IBTK: variants seen among roughly 807,000 people sequenced by gnomAD.
IBTK encodes BTK-binding protein.
A neutral mutation model predicts 154.9 loss-of-function variants in IBTK; 83 were observed. That is an observed-to-expected ratio of 0.54 (90% CI 0.45 to 0.64). The LOEUF is 0.64. IBTK is among the 30% of genes least tolerant of loss of function. The probability of loss-of-function intolerance (pLI) is 0.00; values close to 1 mark genes in which losing one functional copy is unlikely to be tolerated. For synonymous variants in IBTK, 515 were observed against 536.1 expected (o/e 0.96, Z 0.54); for missense variants, 1,332 against 1,584.6 (o/e 0.84, Z 2.71).
chr6:82,212,996 A>G (rs1331412973), intron 12 of IBTK, among the ~76,000 whole-genome samples: 1 of 151,962 alleles, frequency 6.6e-6, no homozygotes, highest in Non-Finnish European at 1.5e-5. Context: ...AACATTACTG[A>G]CAAAAGACAA....
At chr6:82,239,375 G>A (rs909954601) in intron 2 of IBTK, among the ~76,000 whole-genome samples, 38 of 152,128 alleles carry the variant, frequency 2.5e-4, no homozygotes, top group African/African-American at 8.2e-4. Flanking sequence ...CCCGGGAGGC[G>A]GAGCTTGCCA....
intron 6 of IBTK, among the ~76,000 whole-genome samples, chr6:82,225,141 A>T (rs1227273062): frequency 1.6e-5 from 2 of 127,710 alleles, no homozygotes; most frequent in African/African-American, 2.9e-5. Flanking sequence ...CTACTAAAAA[A>T]TACTCAAAAA....
chr6:82,211,938 A>G lies in IBTK; in HGVS notation c.2292-366T>C, dbSNP rs112744304. On this transcript the variant is annotated intron_variant, in intron 13 of 28. Transcript: ENST00000306270. Reference sequence around the variant, plus strand: ...CCAAGCACAGTTGAAACAACTCCACAGTTTATCCTTCTCCAAAACCTTTTC... The same window carrying G: ...CCAAGCACAGTTGAAACAACTCCACGGTTTATCCTTCTCCAAAACCTTTTC... Among the ~76,000 whole-genome samples the G allele has an allele frequency of 2.4e-3, 365 of 152,338 alleles. 2 individuals are homozygous for G. The highest frequency in any genetic ancestry group is 8.1e-3 in the African/African-American group (336 of 41,588).
intron 25 of IBTK, among the ~76,000 whole-genome samples, chr6:82,183,482 A>G (rs1403756433): frequency 6.6e-6 from 1 of 152,204 alleles, no homozygotes; most frequent in Non-Finnish European, 1.5e-5. Flanking sequence ...AATAAATTTG[A>G]CAATTTACAT....
At chr6:82,221,192 T>C (rs1025324419) in intron 8 of IBTK, among the ~76,000 whole-genome samples, 2 of 152,068 alleles carry the variant, frequency 1.3e-5, no homozygotes, top group African/African-American at 2.4e-5. Flanking sequence ...GGCATGGTGA[T>C]GCGCCCCTGT....
chr6:82,205,585 T>A (rs544488787), intron 16 of IBTK: 12 of 152,252 alleles, frequency 7.9e-5, no homozygotes, highest in African/African-American at 2.9e-4. Flanking sequence ...CTGGCCAACA[T>A]GGTGAACATA....
intron 7 of IBTK, 63 bp from the exon 8 acceptor site, chr6:82,223,683 G>A (rs1770182892): frequency 7.2e-7 from 1 of 1,392,102 alleles, no homozygotes; most frequent in Non-Finnish European, 1.0e-6. Context: ...ATTTAGCCAA[G>A]CACAGTGTCT....
chr6:82,244,034 T>C (rs1771053180), intron 1 of IBTK, among the ~76,000 whole-genome samples: 1 of 152,150 alleles, frequency 6.6e-6, no homozygotes, highest in African/African-American at 2.4e-5. Flanking sequence ...GATTCAAATA[T>C]AGCAATGTCA....
At chr6:82,242,255 G>C (rs1770979985) in intron 1 of IBTK, among the ~76,000 whole-genome samples, 1 of 151,998 alleles carries the variant, frequency 6.6e-6, no homozygotes, top group African/African-American at 2.4e-5. Flanking sequence ...TGTAATCTCA[G>C]CTACTCGAGA....
chr6:82,171,852 A>G (rs1428626232), intron 28 of IBTK, among the ~76,000 whole-genome samples: 2 of 152,210 alleles, frequency 1.3e-5, no homozygotes, highest in Admixed American at 6.5e-5. Context: ...CAATAGCTTT[A>G]TTCTGTGAGA....
Position 82,213,588 on chromosome 6 carries a change from C to A in IBTK, c.2204+639G>T, listed in dbSNP as rs146285333. 9.6e-3 allele frequency among the ~76,000 whole-genome samples: 1,461 copies of A among 152,138 alleles called. 10 individuals are homozygous for A. The highest frequency in any genetic ancestry group is 0.015 in the Non-Finnish European group (1,033 of 67,998). On this transcript the variant is annotated intron_variant, in intron 12 of 28. Transcript: ENST00000306270. ...GAAGGATCGCTTGAGCCCAGGAGTTCGAGAAACTGAGGTAAAAGAAAATTG... is the reference window on the plus strand; with the variant it reads ...GAAGGATCGCTTGAGCCCAGGAGTTAGAGAAACTGAGGTAAAAGAAAATTG...
chr6:82,216,519 G>A (rs1169026941), intron 10 of IBTK, among the ~76,000 whole-genome samples: 1 of 152,084 alleles, frequency 6.6e-6, no homozygotes, highest in Non-Finnish European at 1.5e-5. Context: ...TGCAACCAAA[G>A]TTCCCTTTCT....
chr6:82,213,758 T>A (rs1769746189), intron 12 of IBTK, among the ~76,000 whole-genome samples: 1 of 151,990 alleles, frequency 6.6e-6, no homozygotes, highest in Non-Finnish European at 1.5e-5. Context: ...TATCCATTAA[T>A]GTAATCCAAG....
intron 18 of IBTK, 35 bp downstream of exon 18, chr6:82,202,493 T>A (rs768285827): frequency 9.0e-7 from 1 of 1,107,822 alleles, no homozygotes; most frequent in Non-Finnish European, 1.4e-6. Flanking sequence ...ATATCTCCTT[T>A]TGCAACAATC....
At chr6:82,184,571 G>A (rs1768471394) in intron 25 of IBTK, among the ~76,000 whole-genome samples, 1 of 152,110 alleles carries the variant, frequency 6.6e-6, no homozygotes, top group African/African-American at 2.4e-5. Flanking sequence ...TTTAAAATTT[G>A]CCTGGTTGGA....
At chr6:82,234,558 G>A (rs191182734) in intron 2 of IBTK, among the ~76,000 whole-genome samples, 23 of 151,754 alleles carry the variant, frequency 1.5e-4, no homozygotes, top group Non-Finnish European at 2.8e-4. Flanking sequence ...GGATGGTCTC[G>A]ACCTCTGACC....
Position 82,214,807 on chromosome 6 carries a change from A to G in IBTK, c.1624T>C (p.Ser542Pro). 1 of 1,591,892 alleles carries G rather than the reference A, an allele frequency of 6.3e-7. No homozygotes were observed. Among genetic ancestry groups the G allele is most frequent in the Non-Finnish European group, 8.6e-7 (1 of 1,169,048 alleles). Residue 542 changes from serine to proline, a missense_variant, in exon 12 of 29, where the codon TCC becomes CCC. Ser to Pro is a moderately conservative substitution (Grantham distance 74, BLOSUM62 -1). This residue lies in a region of IBTK where 1,134 missense variants were observed against 1,274.7 expected (regional missense o/e 0.89). Coordinates refer to ENST00000306270, the MANE Select transcript of IBTK (RefSeq NM_015525.4). ...KTSLYEIPAV[S>P]SSSFFEEFGK... is the part of the protein sequence containing the mutation. Reference sequence around the variant, plus strand: ...AACTCTTCAAAAAAGGATGATGAGGACACAGCTGGAATTTCATAAAGGCTA... The same window carrying G: ...AACTCTTCAAAAAAGGATGATGAGGGCACAGCTGGAATTTCATAAAGGCTA...
At chr6:82,188,580 A>G (rs1239641403) in intron 25 of IBTK, among the ~76,000 whole-genome samples, 2 of 152,194 alleles carry the variant, frequency 1.3e-5, no homozygotes, top group Non-Finnish European at 2.9e-5. Context: ...AAATGCCTAC[A>G]GAGTACAGAG....
chr6:82,202,784 T>C (rs542414480), intron 17 of IBTK, 139 bp from the exon 18 acceptor site: 63 of 549,286 alleles, frequency 1.1e-4, no homozygotes, highest in African/African-American at 1.0e-3. Context: ...AATAAGTTAA[T>C]ACTGGGGCAA....
Sources: gnomAD v4.1 joint callset for allele counts (sites outside exome capture counted in the v4.1 genomes callset) on GRCh38, gnomAD v4.1.1 for gene constraint, gnomAD v4.1.1 regional missense constraint, MANE v1.5 for transcripts, NCBI Gene and HGNC (gene_info 2026-07-23, HGNC 2026-07-21) for gene names.